The following CMBL variants were observed in gnomAD, a reference collection of about 807,000 sequenced individuals.
CMBL encodes the protein carboxymethylenebutenolidase homolog (Pseudomonas).
In CMBL, 17 loss-of-function variants were observed where a neutral mutation model predicts 28.7. The ratio of observed to expected loss-of-function variants is 0.59; its 90% confidence interval spans 0.41 to 0.89. The LOEUF (loss-of-function observed/expected upper bound fraction) is 0.89. CMBL is among the 40% of genes least tolerant of loss of function. CMBL has a pLI of 0.00. For missense variants in CMBL, 310 were observed against 298.5 expected (o/e 1.04, Z -0.28); for synonymous variants, 106 against 101.6 (o/e 1.04, Z -0.26).
chr5:10,298,409 G>A (rs1028254981), intron 1 of CMBL, among the ~76,000 whole-genome samples: 3 of 152,076 alleles, frequency 2.0e-5, no homozygotes, highest in African/African-American at 7.2e-5. Context: ...AAAAAAAAAG[G>A]AAAGACAACT....
At chr5:10,302,364 G>C (rs1404652667) in intron 1 of CMBL, among the ~76,000 whole-genome samples, 1 of 151,980 alleles carries the variant, frequency 6.6e-6, no homozygotes, top group Non-Finnish European at 1.5e-5. Flanking sequence ...AGGAAGGAGG[G>C]GCTAGGCTCA....
At chr5:10,284,191 G>A (rs1321786189) in intron 4 of CMBL, among the ~76,000 whole-genome samples, 1 of 152,212 alleles carries the variant, frequency 6.6e-6, no homozygotes, top group Non-Finnish European at 1.5e-5. Context: ...GTGGCGCCGG[G>A]GAGGCATCCA....
At chr5:10,298,297 T>C (rs950134880) in intron 1 of CMBL, among the ~76,000 whole-genome samples, 1 of 152,090 alleles carries the variant, frequency 6.6e-6, no homozygotes, top group Admixed American at 6.5e-5. Context: ...CTGAATACTT[T>C]TTTCTTGTAC....
chr5:10,296,969 G>C (rs1178424827), intron 1 of CMBL, among the ~76,000 whole-genome samples: 5 of 152,148 alleles, frequency 3.3e-5, no homozygotes, highest in Non-Finnish European at 7.3e-5. Flanking sequence ...TGGGTTGCTT[G>C]AGGCCTGGAG....
intron 1 of CMBL, among the ~76,000 whole-genome samples, chr5:10,298,886 C>G (rs528266188): frequency 3.2e-4 from 48 of 152,218 alleles, no homozygotes; most frequent in African/African-American, 1.1e-3. Context: ...GAGCAAGACT[C>G]CATCTCAAAA....
At chr5:10,306,344 G>A (rs1435858933) in intron 1 of CMBL, among the ~76,000 whole-genome samples, 1 of 152,158 alleles carries the variant, frequency 6.6e-6, no homozygotes, top group Non-Finnish European at 1.5e-5. Flanking sequence ...CAGCCTCCTG[G>A]GAGAGCCTGA....
At position 10,305,877 on chromosome 5, in the gene CMBL, G is replaced by A. The variant is rs115936145; in HGVS notation, c.-20+1748C>T. On this transcript the variant is annotated intron_variant, in intron 1 of 5. Transcript: ENST00000296658. ...AGCCACTGTGCCCAATCTTACAGTT[G>A]AGTGTTTGATCTGCAAATTCCAAGG... 4.6e-3 allele frequency among the ~76,000 whole-genome samples: 706 copies of A among 152,238 alleles called. 1 individual carries two copies. Among genetic ancestry groups the A allele is most frequent in the Non-Finnish European group, 6.1e-3 (412 of 68,006 alleles).
rs374515471 is a variant in CMBL, at chr5:10,299,841, A to AAG, written c.-20+7782_-20+7783dup. Among the ~76,000 whole-genome samples the AAG allele has an allele frequency of 4.8e-3, 732 of 151,680 alleles. 7 individuals are homozygous for AAG. The highest frequency in any genetic ancestry group is 0.017 in the African/African-American group (692 of 41,400). On this transcript the variant is annotated intron_variant, in intron 1 of 5. Coordinates refer to ENST00000296658, the MANE Select transcript of CMBL (RefSeq NM_138809.4). ...TAAGAGTGAGACCCTATCTAAAAAA[A>AAG]AGAGAGAGAGAGAGAGAAATTTGCA...
At chr5:10,295,977 G>C (rs1746801816) in intron 1 of CMBL, among the ~76,000 whole-genome samples, 1 of 152,204 alleles carries the variant, frequency 6.6e-6, no homozygotes, top group Non-Finnish European at 1.5e-5. Flanking sequence ...GCACGGGAAG[G>C]CTGTGATGTG....
chr5:10,291,656 G>A (rs957165791), intron 1 of CMBL, among the ~76,000 whole-genome samples: 21 of 142,118 alleles, frequency 1.5e-4, no homozygotes, highest in African/African-American at 4.6e-4. Flanking sequence ...GCGAGACGCC[G>A]TCTCAAAAAC....
At chr5:10,284,498 C>T (rs1489349190) in intron 4 of CMBL, among the ~76,000 whole-genome samples, 2 of 152,366 alleles carry the variant, frequency 1.3e-5, no homozygotes, top group East Asian at 3.9e-4. Flanking sequence ...ACAAGCGACA[C>T]TCATTCAGTA....
At chr5:10,300,875 A>G (rs888549378) in intron 1 of CMBL, among the ~76,000 whole-genome samples, 6 of 147,688 alleles carry the variant, frequency 4.1e-5, no homozygotes, top group Non-Finnish European at 7.5e-5. Flanking sequence ...TTTTTATTTA[A>G]AAATAGAAAT....
intron 4 of CMBL, among the ~76,000 whole-genome samples, chr5:10,283,092 GAAAA>G (rs70944000): frequency 6.7e-5 from 8 of 120,006 alleles, no homozygotes; most frequent in Non-Finnish European, 1.3e-4. Context: ...CTCCGTCTCA[GAAAA>G]AAAAAAAAAA....
In CMBL at chr5:10,290,638, C is replaced by T; in HGVS notation, c.125G>A (p.Gly42Asp). ...AYVTKSPVDAGKAVIVIQDIF... is the reference protein window; with the variant it reads ...AYVTKSPVDADKAVIVIQDIF... ...ATCTTGAATGACAATCACAGCTTTG[C>T]CTGCATCAACGGGGGATTTGGTGAC... Residue 42 changes from glycine to aspartate, a missense_variant, in exon 2 of 6, where the codon GGC becomes GAC. Physicochemically the swap from Gly to Asp is moderately conservative, Grantham distance 94. Coordinates refer to ENST00000296658, the MANE Select transcript of CMBL (RefSeq NM_138809.4). 2 of 1,614,162 alleles carry T rather than the reference C, an allele frequency of 1.2e-6. No homozygotes were observed. The highest frequency in any genetic ancestry group is 1.3e-5 in the African/African-American group (1 of 75,052).
At position 10,289,741 on chromosome 5, in the gene CMBL, A is replaced by G. The variant is rs918927583; in HGVS notation, c.215+807T>C. 1.3e-5 allele frequency among the ~76,000 whole-genome samples: 2 copies of G among 152,178 alleles called. No homozygotes were observed. The highest frequency in any genetic ancestry group is 1.3e-4 in the Admixed American group (2 of 15,274). On this transcript the variant is annotated intron_variant, in intron 2 of 5. Transcript: ENST00000296658. This position sits in a 1 kb window ranked among gnomAD's most constrained non-coding sequence, Gnocchi z 4.3. ...ACGTGAAAAAGGAAAACTTCAAGGA[A>G]GGTCTTTTCATTCAGCACCGACTCT...
intron 1 of CMBL, among the ~76,000 whole-genome samples, chr5:10,295,081 G>A (rs1365425770): frequency 6.7e-6 from 1 of 149,706 alleles, no homozygotes; most frequent in East Asian, 1.9e-4. Flanking sequence ...TCATCTACTT[G>A]CTGATTTTTT....
chr5:10,277,978 GT>G lies in CMBL; in HGVS notation c.*2474del, dbSNP rs1247844907. On this transcript the variant is annotated 3_prime_UTR_variant, in exon 6 of 6. Coordinates refer to ENST00000296658, the MANE Select transcript of CMBL (RefSeq NM_138809.4). ...GGCAAAAGCCCAGCACATCTCAGGG[GT>G]TTCCTGGGAGGCCGGATGAATGTGT... Among the ~76,000 whole-genome samples, 4 of 152,220 alleles carry G rather than the reference GT, an allele frequency of 2.6e-5. No individual in the cohort carries two copies. The highest frequency in any genetic ancestry group is 5.9e-5 in the Non-Finnish European group (4 of 68,048).
At chr5:10,284,431 A>T (rs1242371355) in intron 4 of CMBL, among the ~76,000 whole-genome samples, 1 of 152,260 alleles carries the variant, frequency 6.6e-6, no homozygotes, top group Non-Finnish European at 1.5e-5. Flanking sequence ...GATCCACTTC[A>T]GATGGTCCCA....
chr5:10,285,320 C>A (rs181841458), intron 4 of CMBL, among the ~76,000 whole-genome samples: 2 of 152,214 alleles, frequency 1.3e-5, no homozygotes, highest in African/African-American at 4.8e-5. Flanking sequence ...AGGCGCCCAC[C>A]ACCACGCCCA....
Sources: gnomAD v4.1 joint callset for allele counts (sites outside exome capture counted in the v4.1 genomes callset) on GRCh38, gnomAD v4.1.1 for gene constraint, Gnocchi (gnomAD v3.1) non-coding constraint, MANE v1.5 for transcripts, NCBI Gene and HGNC (gene_info 2026-07-23, HGNC 2026-07-21) for gene names.